Variants in TLN1 observed in about 807,000 individuals in gnomAD.
The protein encoded by TLN1 is talin 1, also known as talin-1.
TLN1 carries 56 observed loss-of-function variants against 292.3 expected under a neutral mutation model. That is an observed-to-expected ratio of 0.19 (90% confidence interval 0.15 to 0.24). The LOEUF (loss-of-function observed/expected upper bound fraction) is 0.24. TLN1 is among the 10% of genes least tolerant of loss of function. TLN1 has a pLI of 1.00. For missense variants in TLN1, 2,433 were observed against 3,248.2 expected (o/e 0.75, Z 6.10); for synonymous variants, 1,119 against 1,253.7 (o/e 0.89, Z 2.27).
chr9:35,709,288 C>T (rs960627630), intron 33 of TLN1, among the ~76,000 whole-genome samples: 6 of 151,784 alleles, frequency 4.0e-5, no homozygotes, highest in South Asian at 2.1e-4. Flanking sequence ...AGCGAGACTC[C>T]GTCTCAAAAA....
chr9:35,698,838 A>T lies in TLN1; in HGVS notation c.7095T>A (p.Ala2365=), dbSNP rs1825414151. 1.2e-6 allele frequency: 2 copies of T among 1,614,072 alleles called. No homozygotes were observed. The highest frequency in any genetic ancestry group is 1.7e-6 in the Non-Finnish European group (2 of 1,180,036). Residue 2365 remains alanine, a synonymous_variant, in exon 53 of 57, where the codon GCT becomes GCA. Coordinates refer to ENST00000314888, the MANE Select transcript of TLN1 (RefSeq NM_006289.4). The surrounding 1 kb of genome is among the most constrained non-coding windows in gnomAD (Gnocchi z 5.3). ...ATSALVKAAS[A]AQRELVAQGK... The stretch of plus-strand genomic sequence containing the variant: ...CTTGGGCCACTAGTTCTCTCTGGGC[A>T]GCCGACGCAGCCTTTACCAGTGCAC...
Position 35,721,948 on chromosome 9 carries a change from G to A in TLN1, c.949-145C>T, listed in dbSNP as rs548528473. 9.8e-6 allele frequency: 12 copies of A among 1,225,608 alleles called. No homozygotes were observed. In the East Asian group the frequency reaches 2.3e-4, roughly 24 times the overall value. 75.9% of individuals were successfully genotyped at this position (1,225,608 alleles called of 1,614,324 possible). A position where few individuals can be genotyped will look rare whatever the true frequency, so the allele number is the denominator to read the frequency against. ...AAAATGCAGGGTAGGGAGGGAAGTG[G>A]TGGTGTAGGGCTGATGACAGGCAGG... On this transcript the variant is annotated intron_variant, in intron 9 of 56. Coordinates refer to ENST00000314888, the MANE Select transcript of TLN1 (RefSeq NM_006289.4).
At chr9:35,703,727 G>C in intron 47 of TLN1, 48 bp downstream of exon 47, 1 of 1,614,184 alleles carries the variant, frequency 6.2e-7, no homozygotes, top group Middle Eastern at 1.6e-4. Context: ...ACAGGAGGAA[G>C]TATGTTAATC....
Position 35,704,575 on chromosome 9 carries a change from G to A in TLN1, c.5881-77C>T. On this transcript the variant is annotated intron_variant, in intron 44 of 56. Transcript: ENST00000314888. This position sits in a 1 kb window ranked among gnomAD's most constrained non-coding sequence, Gnocchi z 6.9. ...AAGGTTGCCCATGCCTGGGAGAAGT[G>A]ACAACAGGAGAGGGCTGAGAGGGCT... 1 of 1,586,268 alleles carries A rather than the reference G, an allele frequency of 6.3e-7. No homozygotes were observed.
Position 35,714,834 on chromosome 9 carries a change from C to T in TLN1, c.2797G>A (p.Ala933Thr), listed in dbSNP as rs373794155. The part of the protein sequence containing the change: ...QAAASATQTI[A>T]AAQHAASTPK... The stretch of plus-strand genomic sequence containing the variant: ...GTAGAGGCTGCGTGCTGAGCTGCAG[C>T]GATGGTCTGTGTGGCTGAGGCTGCA... The change falls in exon 22 of 57, where the codon GCT becomes ACT. Residue 933 changes from alanine (A) to threonine (T), a missense_variant. Around this residue, in one of 7 missense-constraint regions of TLN1, gnomAD observed 617 missense variants for 770.6 expected, o/e 0.80. Coordinates refer to ENST00000314888, the MANE Select transcript of TLN1 (RefSeq NM_006289.4). The surrounding 1 kb of genome is among the most constrained non-coding windows in gnomAD (Gnocchi z 4.6). 2.5e-6 allele frequency: 4 copies of T among 1,572,076 alleles called. No individual in the cohort carries two copies. Among genetic ancestry groups the T allele is most frequent in the East Asian group, 2.2e-5 (1 of 44,558 alleles).
Position 35,697,550 on chromosome 9 carries a change from T to C in TLN1, c.*241A>G, listed in dbSNP as rs1397425389. ...AGGTACAGCAGCGTTAATAATACTC[T>C]TGGAGCGTTAATACTCTGGGGAGGG... On this transcript the variant is annotated 3_prime_UTR_variant, in exon 57 of 57. Transcript: ENST00000314888. 1.8e-6 allele frequency: 1 copy of C among 566,918 alleles called. No homozygotes were observed. Among genetic ancestry groups the C allele is most frequent in the African/African-American group, 1.9e-5 (1 of 53,130 alleles). The allele number at this position is 566,918 out of a possible 1,614,324, so 35.1% of individuals were successfully genotyped here.
intron 20 of TLN1, 122 bp from the exon 21 acceptor site, chr9:35,715,309 AG>A: frequency 7.4e-7 from 1 of 1,354,792 alleles, no homozygotes; most frequent in Non-Finnish European, 9.8e-7. Context: ...ATCTCTAACT[AG>A]CCCCACCAAA....
At chr9:35,710,089 G>A (rs796873783) in intron 33 of TLN1, among the ~76,000 whole-genome samples, 110 of 147,356 alleles carry the variant, frequency 7.5e-4, no homozygotes, top group African/African-American at 2.7e-3. Context: ...CGGGTGTGGT[G>A]GTGAGCGCCT....
chr9:35,716,801 G>C (rs183203009), intron 19 of TLN1, among the ~76,000 whole-genome samples: 2 of 152,314 alleles, frequency 1.3e-5, no homozygotes, highest in African/African-American at 4.8e-5. Context: ...GGTATTTTCA[G>C]CCAGTAGCCT....
rs766678363 is a variant in TLN1, at chr9:35,708,479, T to A, written c.4332A>T (p.Ala1444=). The A allele has an allele frequency of 6.3e-7, 1 of 1,575,562 alleles. No homozygotes were observed. The highest frequency in any genetic ancestry group is 1.1e-5 in the South Asian group (1 of 87,288). ...TGGGGTCAGAGACACCAACCAGATATGCAGCCTGGGAAGAGAAAAGGGGGT... is the reference window on the plus strand; with the variant it reads ...TGGGGTCAGAGACACCAACCAGATAAGCAGCCTGGGAAGAGAAAAGGGGGT... The part of the protein sequence containing the change: ...CGFTEAAAQA[A]YLVGVSDPNS... Residue 1444 remains alanine (A), a synonymous_variant, in exon 34 of 57, where the codon GCA becomes GCT. Coordinates refer to ENST00000314888, the MANE Select transcript of TLN1 (RefSeq NM_006289.4).
rs1170958241 is a variant in TLN1, at chr9:35,704,183, G to A, written c.6048-9C>T. On this transcript the variant is annotated splice_polypyrimidine_tract_variant and intron_variant, in intron 45 of 56. Transcript: ENST00000314888. This position sits in a 1 kb window ranked among gnomAD's most constrained non-coding sequence, Gnocchi z 6.9. ...TCTTCAGGATGCCCTCCCTGAGGGA[G>A]GGCCCAGCTTAGTCAGATCTCCCCT... 6.3e-7 allele frequency: 1 copy of A among 1,583,520 alleles called. No homozygotes were observed. Among genetic ancestry groups the A allele is most frequent in the South Asian group, 1.2e-5 (1 of 86,810 alleles).
At chr9:35,711,220 A>G (rs769403324) in intron 30 of TLN1, 35 bp downstream of exon 30, 98 of 1,613,538 alleles carry the variant, frequency 6.1e-5, no homozygotes, top group Non-Finnish European at 8.1e-5. Context: ...TCTCTCTCAC[A>G]CAGTCCAGGG....
chr9:35,720,334 A>C (rs1825859229), intron 12 of TLN1, 99 bp downstream of exon 12: 2 of 1,543,452 alleles, frequency 1.3e-6, no homozygotes, highest in East Asian at 4.5e-5. Context: ...AACTAGTTAA[A>C]GAACCATTCT....
At position 35,704,537 on chromosome 9, in the gene TLN1, C is replaced by A; in HGVS notation, c.5881-39G>T. Reference sequence around the variant, plus strand: ...GTCACATGGTGACTGTGGAAGGTGCCATGTGAAATGGAAAGGTTGCCCATG... The same window carrying A: ...GTCACATGGTGACTGTGGAAGGTGCAATGTGAAATGGAAAGGTTGCCCATG... On this transcript the variant is annotated intron_variant, in intron 44 of 56. Coordinates refer to ENST00000314888, the MANE Select transcript of TLN1 (RefSeq NM_006289.4). This position sits in a 1 kb window ranked among gnomAD's most constrained non-coding sequence, Gnocchi z 6.9. 1 of 1,585,304 alleles carries A rather than the reference C, an allele frequency of 6.3e-7. No individual in the cohort carries two copies. Among genetic ancestry groups the A allele is most frequent in the South Asian group, 1.1e-5 (1 of 87,384 alleles).
intron 29 of TLN1, 54 bp downstream of exon 29, chr9:35,711,541 T>A: frequency 1.9e-6 from 3 of 1,611,672 alleles, no homozygotes; most frequent in Non-Finnish European, 2.5e-6. Flanking sequence ...CTCAACTGCC[T>A]CCTATCTAAC....
chr9:35,697,624 GGGGACAGGGGATGTACTGC>G lies in TLN1; in HGVS notation c.*148_*166del. 1 of 992,058 alleles carries G rather than the reference GGGGACAGGGGATGTACTGC, an allele frequency of 1.0e-6. No individual in the cohort carries two copies. Among genetic ancestry groups the G allele is most frequent in the South Asian group, 1.6e-5 (1 of 61,170 alleles). 61.5% of individuals were successfully genotyped at this position (992,058 alleles called of 1,614,324 possible). A position where few individuals can be genotyped will look rare whatever the true frequency, so the allele number is the denominator to read the frequency against. On this transcript the variant is annotated 3_prime_UTR_variant, in exon 57 of 57. Transcript: ENST00000314888. The stretch of plus-strand genomic sequence containing the variant: ...GCATGAAGGCACTTGGGGTTGGGGA[GGGGACAGGGGATGTACTGC>G]GGGACTGGGCGGGGCCAGGCCCTGG...
intron 1 of TLN1, among the ~76,000 whole-genome samples, chr9:35,731,149 C>T (rs1826071617): frequency 6.6e-6 from 1 of 152,122 alleles, no homozygotes; most frequent in Admixed American, 6.5e-5. Flanking sequence ...TAAAAAGAAG[C>T]CCCTGTAACT....
chr9:35,718,805 C>G lies in TLN1; in HGVS notation c.1995+7G>C. The G allele has an allele frequency of 6.2e-7, 1 of 1,611,858 alleles. No homozygotes were observed. The highest frequency in any genetic ancestry group is 8.5e-7 in the Non-Finnish European group (1 of 1,178,396). On this transcript the variant is annotated splice_region_variant and intron_variant, in intron 17 of 56. Transcript: ENST00000314888. ...TGGGGTTCTGGGGGGTTGGGTAAGT[C>G]ACCAACCTGGAAGTGGGGGTCAGTA...
At chr9:35,720,633 T>TC in intron 11 of TLN1, 124 bp from the exon 12 acceptor site, 1 of 1,036,846 alleles carries the variant, frequency 9.6e-7, no homozygotes, top group Non-Finnish European at 1.4e-6. Flanking sequence ...CTTTTTCTTT[T>TC]TTTTTTTTTT....
Sources: gnomAD v4.1 joint callset for allele counts (sites outside exome capture counted in the v4.1 genomes callset) on GRCh38, gnomAD v4.1.1 for gene constraint, gnomAD v4.1.1 regional missense constraint, Gnocchi (gnomAD v3.1) non-coding constraint, MANE v1.5 for transcripts, NCBI Gene and HGNC (gene_info 2026-07-23, HGNC 2026-07-21) for gene names.